Variants in PALM2AKAP2 observed in about 807,000 individuals in gnomAD.
PALM2AKAP2 encodes the protein PALM2 and AKAP2 fusion.
PALM2AKAP2 carries 37 observed loss-of-function variants against 71.5 expected under a neutral mutation model. The observed-to-expected ratio is 0.52, with a 90% CI of 0.40 to 0.68. The LOEUF (loss-of-function observed/expected upper bound fraction) is 0.68. Among genes scored for constraint, PALM2AKAP2 ranks in the 30% least tolerant of loss-of-function variants. The pLI, the probability that PALM2AKAP2 is intolerant of heterozygous loss-of-function variation, is 0.00. For synonymous variants in PALM2AKAP2, 468 were observed against 478.8 expected (o/e 0.98, Z 0.29); for missense variants, 1,224 against 1,191.8 (o/e 1.03, Z -0.40).
chr9:110,049,207 C>T (rs2132494872), intron 1 of PALM2AKAP2, among the ~76,000 whole-genome samples: 1 of 152,286 alleles, frequency 6.6e-6, no homozygotes, highest in African/African-American at 2.4e-5. Context: ...TCAGGAAAAG[C>T]AGTGAAATCA....
intron 1 of PALM2AKAP2, among the ~76,000 whole-genome samples, chr9:110,067,250 A>T (rs912419729): frequency 2.2e-4 from 34 of 152,298 alleles, no homozygotes; most frequent in African/African-American, 7.7e-4. Flanking sequence ...GATTATTTAA[A>T]TCTCAAATAT....
chr9:110,011,009 A>AT (rs1379472102), intron 6 of PALM2AKAP2, among the ~76,000 whole-genome samples: 262 of 113,160 alleles, frequency 2.3e-3, no homozygotes, highest in African/African-American at 5.0e-3. Flanking sequence ...AAAAAAAAAA[A>AT]AAAAAATATA....
chr9:110,137,641 A>G (rs188422825), exon 2 of PALM2AKAP2: 1 of 1,614,034 alleles, frequency 6.2e-7, no homozygotes, highest in East Asian at 2.2e-5. Context: ...CCTTGACCCA[A>G]GAGGAGCTTG....
intron 3 of PALM2AKAP2, among the ~76,000 whole-genome samples, chr9:110,163,075 A>G (rs934131805): frequency 4.6e-5 from 7 of 152,254 alleles, no homozygotes; most frequent in Non-Finnish European, 7.4e-5. Flanking sequence ...TATGTGTGCT[A>G]TGAGAAGGCA....
chr9:109,906,211 G>C (rs1830442068), intron 3 of PALM2AKAP2, among the ~76,000 whole-genome samples: 1 of 152,078 alleles, frequency 6.6e-6, no homozygotes, highest in South Asian at 2.1e-4. Flanking sequence ...TTTTGCGGGG[G>C]TAGGGGGGAT....
At chr9:110,032,757 AAC>A (rs1290558992) in intron 7 of PALM2AKAP2, among the ~76,000 whole-genome samples, 1 of 145,494 alleles carries the variant, frequency 6.9e-6, no homozygotes, top group Non-Finnish European at 1.5e-5. Context: ...AAAATAAAAA[AAC>A]AAAAAAAATA....
At chr9:110,021,362 C>T (rs1395198300) in intron 7 of PALM2AKAP2, among the ~76,000 whole-genome samples, 1 of 152,134 alleles carries the variant, frequency 6.6e-6, no homozygotes, top group Non-Finnish European at 1.5e-5. Context: ...CCTCCTGACA[C>T]CTTGAATTGG....
At chr9:109,667,880 G>A in intron 1 of PALM2AKAP2, among the ~76,000 whole-genome samples, 1 of 151,408 alleles carries the variant, frequency 6.6e-6, no homozygotes, top group Non-Finnish European at 1.5e-5. Context: ...AACAAATGAG[G>A]TAATATGCAT....
chr9:110,113,241 T>C (rs1183019322), intron 1 of PALM2AKAP2, among the ~76,000 whole-genome samples: 1 of 93,762 alleles, frequency 1.1e-5, no homozygotes, highest in Admixed American at 1.3e-4. Flanking sequence ...TTTTGTTTTT[T>C]TCTTTTTTTT....
In PALM2AKAP2 at chr9:110,027,858, C is replaced by T. The variant is rs137893803; in HGVS notation, c.582+11819C>T. The stretch of plus-strand genomic sequence containing the variant: ...CCTTTTGTTGCCAGTGGTGTCCAGC[C>T]GGTTGCCCTTTGTATTTGATGATGA... On this transcript the variant is annotated intron_variant, in intron 7 of 9. Coordinates refer to the PALM2AKAP2 transcript ENST00000302798. Among the ~76,000 whole-genome samples the T allele has an allele frequency of 4.3e-3, 655 of 152,212 alleles. 3 individuals carry two copies. The highest frequency in any genetic ancestry group is 6.8e-3 in the Middle Eastern group (2 of 294).
intron 6 of PALM2AKAP2, among the ~76,000 whole-genome samples, 195 bp from the exon 7 acceptor site, chr9:110,015,758 AC>A (rs1462890218): frequency 1.3e-5 from 2 of 152,182 alleles, no homozygotes; most frequent in African/African-American, 4.8e-5. Flanking sequence ...TTAGGTAAAA[AC>A]AAAAGAAGTG....
intron 1 of PALM2AKAP2, among the ~76,000 whole-genome samples, chr9:110,119,668 G>A (rs1048913675): frequency 3.9e-5 from 6 of 152,134 alleles, no homozygotes; most frequent in Admixed American, 3.9e-4. Flanking sequence ...TTTTATAAAT[G>A]GGATTGAGAG....
intron 1 of PALM2AKAP2, among the ~76,000 whole-genome samples, chr9:109,830,009 T>A (rs901184703): frequency 6.6e-6 from 1 of 152,200 alleles, no homozygotes; most frequent in African/African-American, 2.4e-5. Flanking sequence ...ATGCATGAAT[T>A]ACCTGAAATT....
chr9:110,116,845 C>A (rs1406390664), intron 1 of PALM2AKAP2, among the ~76,000 whole-genome samples: 1 of 152,182 alleles, frequency 6.6e-6, no homozygotes, highest in East Asian at 1.9e-4. Flanking sequence ...GCAAAACCTC[C>A]TCAAGAGATG....
chr9:110,075,964 T>A (rs1048752620), intron 1 of PALM2AKAP2, among the ~76,000 whole-genome samples: 1 of 152,148 alleles, frequency 6.6e-6, no homozygotes, highest in Non-Finnish European at 1.5e-5. Flanking sequence ...CTTTATATAG[T>A]CTCAAAAGTG....
chr9:109,869,978 T>C (rs1829563063), intron 2 of PALM2AKAP2, among the ~76,000 whole-genome samples: 1 of 151,842 alleles, frequency 6.6e-6, no homozygotes, highest in Admixed American at 6.6e-5. Context: ...TGAGGGTGAG[T>C]TATTTGCCTT....
At chr9:109,700,357 A>G (rs1828034946) in intron 1 of PALM2AKAP2, among the ~76,000 whole-genome samples, 1 of 152,108 alleles carries the variant, frequency 6.6e-6, no homozygotes. Flanking sequence ...CTTGCCTGCT[A>G]TCATGTAAGA....
chr9:109,789,010 A>G (rs1827037935), intron 1 of PALM2AKAP2, among the ~76,000 whole-genome samples: 1 of 152,202 alleles, frequency 6.6e-6, no homozygotes, highest in Non-Finnish European at 1.5e-5. Flanking sequence ...GCTTTAATCT[A>G]TTTAAATAAA....
chr9:110,132,719 G>C (rs747602424), intron 1 of PALM2AKAP2, among the ~76,000 whole-genome samples: 1 of 151,652 alleles, frequency 6.6e-6, no homozygotes, highest in Non-Finnish European at 1.5e-5. Context: ...AGGTTGAAGC[G>C]ATTCTCATGC....
Sources: gnomAD v4.1 joint callset for allele counts (sites outside exome capture counted in the v4.1 genomes callset) on GRCh38, gnomAD v4.1.1 for gene constraint, MANE v1.5 for transcripts, NCBI Gene and HGNC (gene_info 2026-07-23, HGNC 2026-07-21) for gene names.